PLEKHG7: variants seen among roughly 807,000 people sequenced by gnomAD.
PLEKHG7 encodes pleckstrin homology domain-containing family G member 7.
Under a neutral mutation model 85.2 loss-of-function variants are expected in PLEKHG7, and 77 were observed. That is an observed-to-expected ratio of 0.90 (90% CI 0.75 to 1.09). The LOEUF is 1.09. PLEKHG7 is among the 50% of genes least tolerant of loss of function. The pLI, the probability that PLEKHG7 is intolerant of heterozygous loss-of-function variation, is 0.00. For synonymous variants in PLEKHG7, 301 were observed against 302.4 expected, an observed-to-expected ratio of 1.00 and a Z score of 0.05; for missense variants, 777 against 804.3, an observed-to-expected ratio of 0.97 and a Z score of 0.41.
At chr12:92,744,136 A>G (rs182522095) in intron 9 of PLEKHG7, among the ~76,000 whole-genome samples, 1 of 152,290 alleles carries the variant, frequency 6.6e-6, no homozygotes, top group African/African-American at 2.4e-5. Flanking sequence ...TGTTACTGTC[A>G]CTTCTGCTAG....
Position 92,737,464 on chromosome 12 carries a change from G to A in PLEKHG7, c.882G>A (p.Trp294Ter). ...TGAAAAAGCAGCAAGAGGCCGTGTGGGAACTTTTCACAAGTGAATGCACCT... is the reference window on the plus strand; with the variant it reads ...TGAAAAAGCAGCAAGAGGCCGTGTGAGAACTTTTCACAAGTGAATGCACCT... ...LDLKKQQEAV[W>*]ELFTSECTYF... is the part of the protein sequence containing the mutation. The change falls in exon 7 of 17, where the codon TGG becomes TGA. Residue 294 changes from tryptophan (W) to a stop codon, truncating the protein, a stop_gained. Coordinates refer to ENST00000344636, the MANE Select transcript of PLEKHG7 (RefSeq NM_001377329.1). LOFTEE classifies it high-confidence loss of function. 6.3e-7 allele frequency: 1 copy of A among 1,594,494 alleles called. No homozygotes were observed. Among genetic ancestry groups the A allele is most frequent in the South Asian group, 1.2e-5 (1 of 86,390 alleles).
rs561505305 is a variant in PLEKHG7 at position 92,759,415 on chromosome 12, T to C, written c.1637-2337T>C. On this transcript the variant is annotated intron_variant, in intron 13 of 16. Transcript: ENST00000344636. ...ATACATGAGTAGCAGAAGATGGGAA[T>C]AGCAAATTTTACAGGTTTGAAGGTT... is the stretch of plus-strand genomic sequence containing the variant. Among the ~76,000 whole-genome samples the C allele has an allele frequency of 3.3e-5, 5 of 152,246 alleles. No homozygotes were observed. In the South Asian group the frequency reaches 6.2e-4, roughly 19 times the overall value.
At chr12:92,734,462 A>G (rs1302269827) in intron 5 of PLEKHG7, among the ~76,000 whole-genome samples, 2 of 152,250 alleles carry the variant, frequency 1.3e-5, no homozygotes, top group African/African-American at 4.8e-5. Context: ...TTCTACAACA[A>G]TCCAACAAGG....
At chr12:92,737,803 C>CT (rs1352615533) in intron 7 of PLEKHG7, among the ~76,000 whole-genome samples, 1 of 105,456 alleles carries the variant, frequency 9.5e-6, no homozygotes, top group African/African-American at 3.2e-5. Context: ...CCAGGTGAGG[C>CT]TTTTTTCTCC....
chr12:92,737,064 A>AC (rs1872173788), intron 6 of PLEKHG7, among the ~76,000 whole-genome samples: 1 of 152,140 alleles, frequency 6.6e-6, no homozygotes, highest in African/African-American at 2.4e-5. Context: ...ACTGAAAAAG[A>AC]CTCATGATAT....
intron 3 of PLEKHG7, among the ~76,000 whole-genome samples, chr12:92,722,893 A>G (rs148174286): frequency 3.5e-3 from 533 of 152,340 alleles, no homozygotes; most frequent in Non-Finnish European, 5.3e-3. Context: ...ATTCGGTGAT[A>G]TATAAGATCC....
At position 92,740,707 on chromosome 12, in the gene PLEKHG7, A is replaced by G. The variant is rs375217270; in HGVS notation, c.940-146A>G. On this transcript the variant is annotated intron_variant, in intron 7 of 16. Coordinates refer to ENST00000344636, the MANE Select transcript of PLEKHG7 (RefSeq NM_001377329.1). ...AGCTTAAATGTGACCATTTGTCTTG[A>G]GTATAACATTTAAACCTTGAGAGTG... is the stretch of plus-strand genomic sequence containing the variant. 7.2e-5 allele frequency: 43 copies of G among 598,858 alleles called. No homozygotes were observed. The East Asian group carries it at 1.1e-3, about 16-fold the overall frequency. 37.1% of individuals were successfully genotyped at this position (598,858 alleles called of 1,614,324 possible). A position where few individuals can be genotyped will look rare whatever the true frequency, so the allele number is the denominator to read the frequency against.
chr12:92,709,073 C>T (rs1317044161), intron 3 of PLEKHG7, among the ~76,000 whole-genome samples: 5 of 152,092 alleles, frequency 3.3e-5, no homozygotes, highest in Admixed American at 1.3e-4. Context: ...ATTCCTTACC[C>T]TAAGAGCAGT....
Position 92,740,926 on chromosome 12 carries a change from C to T in PLEKHG7, c.1013C>T (p.Ala338Val), listed in dbSNP as rs1295641365. The T allele has an allele frequency of 6.2e-7, 1 of 1,611,234 alleles. No individual in the cohort carries two copies. The highest frequency in any genetic ancestry group is 8.5e-7 in the Non-Finnish European group (1 of 1,177,980). The change falls in exon 8 of 17, where the codon GCA (alanine) becomes GTA (valine). Residue 338 changes from alanine to valine, a missense_variant. Physicochemically the swap from Ala to Val is moderately conservative, Grantham distance 64. Transcript: ENST00000344636. ...GATGTGGATTTATGGAGACTTTTTG[C>T]AAACCTGGAGGAGTTAACTCAGGTG... ...LLDVDLWRLF[A>V]NLEELTQTSL...
At chr12:92,740,766 A>T in intron 7 of PLEKHG7, 87 bp from the exon 8 acceptor site, 1 of 810,908 alleles carries the variant, frequency 1.2e-6, no homozygotes, top group Non-Finnish European at 2.0e-6. Flanking sequence ...AGTTACACCC[A>T]GGAGGTTTAT....
intron 3 of PLEKHG7, among the ~76,000 whole-genome samples, chr12:92,722,996 G>A (rs138842398): frequency 4.0e-4 from 61 of 151,514 alleles, no homozygotes; most frequent in African/African-American, 1.2e-3. Flanking sequence ...TGAGTGGGTC[G>A]GAAAAGATTT....
chr12:92,754,887 A>G (rs1389160133), intron 11 of PLEKHG7, among the ~76,000 whole-genome samples: 1 of 152,228 alleles, frequency 6.6e-6, no homozygotes, highest in Non-Finnish European at 1.5e-5. Flanking sequence ...ATATTCAGCT[A>G]TACATAATTT....
intron 9 of PLEKHG7, among the ~76,000 whole-genome samples, chr12:92,742,697 T>C (rs1872402077): frequency 6.6e-6 from 1 of 151,286 alleles, no homozygotes; most frequent in African/African-American, 2.4e-5. Flanking sequence ...GAGATTCTCA[T>C]GCCTCAGCCT....
At chr12:92,734,584 G>A (rs1484414109) in intron 5 of PLEKHG7, among the ~76,000 whole-genome samples, 1 of 152,172 alleles carries the variant, frequency 6.6e-6, no homozygotes, top group African/African-American at 2.4e-5. Context: ...AGCAGTTCCA[G>A]GCAGTCTGGC....
chr12:92,722,978 T>A (rs2120574), intron 3 of PLEKHG7, among the ~76,000 whole-genome samples: 71,288 of 151,790 alleles, frequency 0.47, 17,843 homozygotes, highest in East Asian at 0.89. Flanking sequence ...GAGAGAATTG[T>A]CCCTCCCTGA....
chr12:92,719,773 A>C (rs1871585937), intron 3 of PLEKHG7, among the ~76,000 whole-genome samples: 1 of 152,344 alleles, frequency 6.6e-6, no homozygotes, highest in Non-Finnish European at 1.5e-5. Flanking sequence ...GTGATCTATT[A>C]GTCATATTTC....
chr12:92,707,780 C>A, intron 3 of PLEKHG7, 108 bp downstream of exon 3: 1 of 1,573,370 alleles, frequency 6.4e-7, no homozygotes, highest in South Asian at 1.1e-5. Flanking sequence ...TTAACCAGTG[C>A]ACTTTGTTTT....
At chr12:92,721,993 C>T (rs899887565) in intron 3 of PLEKHG7, among the ~76,000 whole-genome samples, 2 of 151,814 alleles carry the variant, frequency 1.3e-5, no homozygotes, top group Admixed American at 1.3e-4. Context: ...ATTCTGAATT[C>T]ACTACAGTGA....
At chr12:92,751,532 A>T (rs1348274775) in intron 10 of PLEKHG7, among the ~76,000 whole-genome samples, 8 of 147,936 alleles carry the variant, frequency 5.4e-5, no homozygotes, top group East Asian at 4.0e-4. Context: ...TGCCTGGCTA[A>T]TTTTTTTTTT....
Sources: gnomAD v4.1 joint callset for allele counts (sites outside exome capture counted in the v4.1 genomes callset) on GRCh38, gnomAD v4.1.1 for gene constraint, MANE v1.5 for transcripts, NCBI Gene and HGNC (gene_info 2026-07-23, HGNC 2026-07-21) for gene names.